Variants in PLPP1 observed in about 807,000 individuals in gnomAD.
The protein encoded by PLPP1 is phospholipid phosphatase 1, also known as lipid phosphate phosphohydrolase 1a.
PLPP1 carries 24 observed loss-of-function variants against 31.2 expected under a neutral mutation model. The observed-to-expected ratio is 0.77, with a 90% CI of 0.56 to 1.08. PLPP1 has a LOEUF of 1.08. Ranked by LOEUF, PLPP1 falls within the 50% of genes least tolerant of loss-of-function variation. PLPP1 has a pLI of 0.00. For synonymous variants in PLPP1, 146 were observed against 126.3 expected (o/e 1.16, Z -1.05); for missense variants, 319 against 342.7 (o/e 0.93, Z 0.55).
intron 1 of PLPP1, among the ~76,000 whole-genome samples, chr5:55,502,578 T>C (rs1245525960): frequency 2.0e-5 from 3 of 152,208 alleles, no homozygotes; most frequent in African/African-American, 7.2e-5. Context: ...ATATGGCTAG[T>C]GTGACTGAAG....
At chr5:55,463,949 A>C (rs1752227421) in intron 3 of PLPP1, among the ~76,000 whole-genome samples, 1 of 150,478 alleles carries the variant, frequency 6.6e-6, no homozygotes, top group Non-Finnish European at 1.5e-5. Flanking sequence ...CAAGCAACTA[A>C]TTTTTTTTTA....
At chr5:55,515,229 T>C (rs1318818951) in intron 1 of PLPP1, among the ~76,000 whole-genome samples, 1 of 152,206 alleles carries the variant, frequency 6.6e-6, no homozygotes, top group African/African-American at 2.4e-5. Context: ...ACGATTCCTA[T>C]ACCATTGTTC....
intron 2 of PLPP1, 103 bp from the exon 3 acceptor site, chr5:55,468,252 CTT>C (rs1234557442): frequency 5.5e-6 from 6 of 1,092,978 alleles, no homozygotes; most frequent in African/African-American, 1.6e-5. Context: ...GCAAAAATAT[CTT>C]TGTTTCAAAA....
At chr5:55,464,249 T>C (rs1024936429) in intron 3 of PLPP1, among the ~76,000 whole-genome samples, 13 of 152,092 alleles carry the variant, frequency 8.5e-5, no homozygotes, top group Admixed American at 3.9e-4. Flanking sequence ...TTTTTTTTTT[T>C]TTTTAAGAAG....
rs778750630 is a variant in PLPP1 at position 55,475,411 on chromosome 5, G to C, written c.98C>G (p.Pro33Arg). 1.9e-6 allele frequency: 3 copies of C among 1,610,908 alleles called. No homozygotes were observed. The highest frequency in any genetic ancestry group is 1.1e-5 in the South Asian group (1 of 90,156). ...PFAILTSRHT[P>R]FQRGVFCNDE... ...ATTACAGAATACTCCTCGTTGGAAG[G>C]GGGTATGCCTTGAAGTAAGAATTGC... is the stretch of plus-strand genomic sequence containing the variant. Residue 33 changes from proline to arginine, a missense_variant, in exon 2 of 6, where the codon CCC (proline) becomes CGC (arginine). Pro to Arg is a moderately radical substitution (Grantham distance 103). Coordinates refer to ENST00000307259, the MANE Select transcript of PLPP1 (RefSeq NM_003711.4).
intron 3 of PLPP1, among the ~76,000 whole-genome samples, chr5:55,444,950 C>T (rs1407499035): frequency 6.6e-6 from 1 of 151,874 alleles, no homozygotes; most frequent in East Asian, 1.9e-4. Context: ...GGGTTTCGCC[C>T]TGTTGGCCAG....
At chr5:55,466,365 C>A (rs1561233794) in intron 3 of PLPP1, among the ~76,000 whole-genome samples, 1 of 152,106 alleles carries the variant, frequency 6.6e-6, no homozygotes, top group Non-Finnish European at 1.5e-5. Flanking sequence ...ATAGTATATA[C>A]TCTAGTTAAA....
At chr5:55,455,004 G>C (rs1430811804) in intron 3 of PLPP1, among the ~76,000 whole-genome samples, 2 of 152,094 alleles carry the variant, frequency 1.3e-5, no homozygotes, top group Non-Finnish European at 2.9e-5. Context: ...TCAAACTTCA[G>C]CTTTATTTTA....
At chr5:55,450,391 C>A (rs925803454) in intron 3 of PLPP1, among the ~76,000 whole-genome samples, 1 of 152,132 alleles carries the variant, frequency 6.6e-6, no homozygotes, top group Non-Finnish European at 1.5e-5. Flanking sequence ...AACTTGTTAT[C>A]ATGTGTGTCT....
At chr5:55,500,493 A>G (rs1397062818) in intron 1 of PLPP1, among the ~76,000 whole-genome samples, 1 of 152,204 alleles carries the variant, frequency 6.6e-6, no homozygotes, top group East Asian at 1.9e-4. Context: ...GTCAAATTTA[A>G]CAGTGGGGGC....
chr5:55,470,172 C>T (rs1481991009), intron 2 of PLPP1, among the ~76,000 whole-genome samples: 2 of 152,196 alleles, frequency 1.3e-5, no homozygotes, highest in Admixed American at 6.5e-5. Context: ...CATTTCAGTA[C>T]ACATTGCCTC....
chr5:55,462,700 G>A lies in PLPP1; in HGVS notation c.491+5169C>T, dbSNP rs112173176. Among the ~76,000 whole-genome samples the A allele has an allele frequency of 5.2e-3, 798 of 152,278 alleles. 3 individuals are homozygous for A. Among genetic ancestry groups the A allele is most frequent in the African/African-American group, 0.018 (767 of 41,550 alleles). On this transcript the variant is annotated intron_variant, in intron 3 of 5. Coordinates refer to ENST00000307259, the MANE Select transcript of PLPP1 (RefSeq NM_003711.4). ...AAGAAAATAAAGCAGCCAGCTGGGC[G>A]CAGTGGCTCACACCTATAATCCCAG...
intron 1 of PLPP1, among the ~76,000 whole-genome samples, chr5:55,516,970 T>C (rs895647344): frequency 1.3e-5 from 2 of 152,172 alleles, no homozygotes; most frequent in East Asian, 1.9e-4. Flanking sequence ...GCAGAAAGTA[T>C]TAATATGTCT....
chr5:55,511,474 T>C (rs2111909889), intron 1 of PLPP1, among the ~76,000 whole-genome samples: 1 of 152,234 alleles, frequency 6.6e-6, no homozygotes, highest in East Asian at 1.9e-4. Context: ...CAAGTTTTTT[T>C]TTCTTTTAAA....
At chr5:55,504,403 T>C (rs1367913613) in intron 1 of PLPP1, among the ~76,000 whole-genome samples, 2 of 149,576 alleles carry the variant, frequency 1.3e-5, no homozygotes. Flanking sequence ...ACGCCTGTTG[T>C]CCCAGCTACT....
chr5:55,458,443 T>C (rs936794105), intron 3 of PLPP1, among the ~76,000 whole-genome samples: 2 of 151,500 alleles, frequency 1.3e-5, no homozygotes, highest in Non-Finnish European at 2.9e-5. Context: ...AAATTAAATA[T>C]ATGAAGATGT....
At chr5:55,467,543 T>TAATAA (rs1554038742) in intron 3 of PLPP1, among the ~76,000 whole-genome samples, 1 of 147,158 alleles carries the variant, frequency 6.8e-6, no homozygotes, top group African/African-American at 2.5e-5. Flanking sequence ...TATAAAAATG[T>TAATAA]AAAAAAAATT....
intron 3 of PLPP1, among the ~76,000 whole-genome samples, chr5:55,459,251 G>T (rs1173361047): frequency 2.6e-5 from 4 of 151,082 alleles, no homozygotes; most frequent in Admixed American, 6.6e-5. Context: ...AACGACACTT[G>T]TAAGTGCTAC....
intron 4 of PLPP1, among the ~76,000 whole-genome samples, chr5:55,441,539 T>A (rs888492290): frequency 2.0e-5 from 3 of 152,156 alleles, no homozygotes; most frequent in Non-Finnish European, 4.4e-5. Flanking sequence ...TCGCCCACAC[T>A]GAGCAGATGA....
Sources: allele counts gnomAD v4.1 joint callset (sites outside exome capture counted in the v4.1 genomes callset), GRCh38; gene constraint gnomAD v4.1.1; transcripts MANE v1.5; gene names NCBI Gene and HGNC (gene_info 2026-07-23, HGNC 2026-07-21).